The following CDH13 variants were observed in gnomAD, a reference collection of about 807,000 sequenced individuals.
CDH13 encodes the protein cadherin-13.
In CDH13, 24 loss-of-function variants were observed where a neutral mutation model predicts 63.8. That is an observed-to-expected ratio of 0.38 (90% CI 0.27 to 0.53). The LOEUF is 0.53. CDH13 is among the 20% of genes least tolerant of loss of function. The pLI, the probability that CDH13 is intolerant of heterozygous loss-of-function variation, is 0.85. For synonymous variants in CDH13, 503 were observed against 355.3 expected (o/e 1.42, Z -4.67); for missense variants, 1,049 against 903.1 (o/e 1.16, Z -2.07).
intron 3 of CDH13, among the ~76,000 whole-genome samples, chr16:83,117,651 C>T (rs187544869): frequency 2.6e-5 from 4 of 151,924 alleles, no homozygotes; most frequent in African/African-American, 7.3e-5. Flanking sequence ...TTGGTTGATA[C>T]GTTTTGAAGA....
intron 1 of CDH13, among the ~76,000 whole-genome samples, chr16:82,637,260 A>G (rs1908766850): frequency 6.6e-6 from 1 of 152,064 alleles, no homozygotes; most frequent in Non-Finnish European, 1.5e-5. Context: ...GCAGTAAGAA[A>G]GATTATTGCG....
At chr16:83,454,228 C>T (rs986431731) in intron 6 of CDH13, among the ~76,000 whole-genome samples, 2 of 152,172 alleles carry the variant, frequency 1.3e-5, no homozygotes, top group Admixed American at 6.5e-5. Context: ...AACCAGAAGA[C>T]GTCTTTAAAT....
At chr16:83,686,412 C>G (rs1466510491) in intron 10 of CDH13, among the ~76,000 whole-genome samples, 2 of 152,156 alleles carry the variant, frequency 1.3e-5, no homozygotes, top group African/African-American at 4.8e-5. Context: ...TTCCACGGGC[C>G]TACAAAAATG....
chr16:82,838,648 A>G (rs920011034), intron 1 of CDH13, among the ~76,000 whole-genome samples: 1 of 152,146 alleles, frequency 6.6e-6, no homozygotes, highest in East Asian at 1.9e-4. Flanking sequence ...AACCTGGTTC[A>G]CAGAGGGCTG....
chr16:83,193,742 G>A (rs2038794068), intron 4 of CDH13, among the ~76,000 whole-genome samples: 1 of 152,086 alleles, frequency 6.6e-6, no homozygotes, highest in African/African-American at 2.4e-5. Context: ...CCAAGGAGTG[G>A]TAGAAAAAGA....
intron 4 of CDH13, among the ~76,000 whole-genome samples, chr16:83,171,119 G>A (rs769535459): frequency 6.6e-6 from 1 of 152,124 alleles, no homozygotes; most frequent in Non-Finnish European, 1.5e-5. Context: ...TGTGCAGGAA[G>A]CATGGTGGCT....
intron 2 of CDH13, among the ~76,000 whole-genome samples, chr16:82,934,697 C>G (rs527392657): frequency 5.9e-5 from 9 of 152,284 alleles, no homozygotes; most frequent in East Asian, 5.8e-4. Context: ...TACATCATCT[C>G]TCTCAGGTTT....
chr16:83,366,305 T>A (rs2091256261), intron 6 of CDH13, among the ~76,000 whole-genome samples: 1 of 152,192 alleles, frequency 6.6e-6, no homozygotes, highest in African/African-American at 2.4e-5. Flanking sequence ...GGGACATGTT[T>A]AGCAACACTT....
At chr16:83,424,818 G>T (rs1039162488) in intron 6 of CDH13, among the ~76,000 whole-genome samples, 4 of 152,154 alleles carry the variant, frequency 2.6e-5, no homozygotes, top group Non-Finnish European at 4.4e-5. Context: ...TCCCAAGGTT[G>T]ATTAGACAGG....
chr16:83,608,667 T>A (rs1218594889), intron 8 of CDH13, among the ~76,000 whole-genome samples: 4 of 150,864 alleles, frequency 2.7e-5, no homozygotes, highest in Non-Finnish European at 5.9e-5. Flanking sequence ...TGTATTTTTT[T>A]TTTTTTTTTT....
At chr16:82,916,530 C>T (rs368733367) in intron 2 of CDH13, among the ~76,000 whole-genome samples, 4 of 151,684 alleles carry the variant, frequency 2.6e-5, no homozygotes, top group South Asian at 4.2e-4. Context: ...GCTGAGATCG[C>T]GCCACAGCAC....
intron 5 of CDH13, among the ~76,000 whole-genome samples, chr16:83,337,008 A>G (rs2090612544): frequency 6.6e-6 from 1 of 152,110 alleles, no homozygotes; most frequent in African/African-American, 2.4e-5. Flanking sequence ...AGATGAGAGG[A>G]TGACTCAAAT....
At chr16:83,786,355 C>G (rs1357761078) in intron 13 of CDH13, among the ~76,000 whole-genome samples, 2 of 152,118 alleles carry the variant, frequency 1.3e-5, no homozygotes, top group African/African-American at 4.8e-5. Flanking sequence ...GTCAGAACCA[C>G]TTAGGAAACA....
intron 1 of CDH13, among the ~76,000 whole-genome samples, chr16:82,836,922 C>A (rs1597751291): frequency 6.6e-6 from 1 of 152,160 alleles, no homozygotes; most frequent in East Asian, 1.9e-4. Flanking sequence ...TATTTATCAC[C>A]CTTGAAGAAT....
At chr16:83,182,776 A>G (rs1004776055) in intron 4 of CDH13, among the ~76,000 whole-genome samples, 3 of 152,238 alleles carry the variant, frequency 2.0e-5, no homozygotes, top group African/African-American at 4.8e-5. Context: ...TTCAGACAGT[A>G]TTAAATACAC....
At chr16:83,496,999 T>C (rs868254419) in intron 7 of CDH13, among the ~76,000 whole-genome samples, 1 of 152,050 alleles carries the variant, frequency 6.6e-6, no homozygotes, top group African/African-American at 2.4e-5. Flanking sequence ...ATCATTCAAA[T>C]GTCAGGAAAC....
chr16:83,212,627 T>A (rs2039373270), intron 4 of CDH13, among the ~76,000 whole-genome samples: 2 of 152,202 alleles, frequency 1.3e-5, no homozygotes, highest in South Asian at 4.1e-4. Flanking sequence ...CCAGCCTATT[T>A]TTAGCAGAGG....
chr16:82,805,286 TG>T (rs1320967880), intron 1 of CDH13, among the ~76,000 whole-genome samples: 8 of 152,166 alleles, frequency 5.3e-5, no homozygotes, highest in Non-Finnish European at 1.0e-4. Flanking sequence ...ATGATAAAGC[TG>T]AATGGTGACT....
At chr16:82,749,219 A>T (rs187964077) in intron 1 of CDH13, among the ~76,000 whole-genome samples, 1 of 152,274 alleles carries the variant, frequency 6.6e-6, no homozygotes, top group Non-Finnish European at 1.5e-5. Context: ...GACAGACCTT[A>T]CGGTGTTATT....
Sources: allele counts gnomAD v4.1 joint callset (sites outside exome capture counted in the v4.1 genomes callset), GRCh38; gene constraint gnomAD v4.1.1; transcripts MANE v1.5; gene names NCBI Gene and HGNC (gene_info 2026-07-23, HGNC 2026-07-21).